TRIM44: variants seen among roughly 807,000 people sequenced by gnomAD.
The protein encoded by TRIM44 is tripartite motif containing 44.
Under a neutral mutation model 37.4 loss-of-function variants are expected in TRIM44, and 13 were observed. The observed-to-expected ratio is 0.35, with a 90% CI of 0.23 to 0.55. TRIM44 has a LOEUF of 0.55. Ranked by LOEUF, TRIM44 falls within the 20% of genes least tolerant of loss-of-function variation. The probability of loss-of-function intolerance (pLI) is 0.89; values close to 1 mark genes in which losing one functional copy is unlikely to be tolerated. For missense variants in TRIM44, 426 were observed against 437.2 expected (o/e 0.97, Z 0.23); for synonymous variants, 175 against 157.2 (o/e 1.11, Z -0.85).
At chr11:35,795,921 T>A (rs766635173) in intron 4 of TRIM44, among the ~76,000 whole-genome samples, 2 of 152,244 alleles carry the variant, frequency 1.3e-5, no homozygotes, top group African/African-American at 2.4e-5. Context: ...TTTATATATC[T>A]GCCAACCACT....
intron 2 of TRIM44, among the ~76,000 whole-genome samples, chr11:35,711,720 C>T (rs1347109853): frequency 6.6e-6 from 1 of 152,050 alleles, no homozygotes; most frequent in East Asian, 1.9e-4. Flanking sequence ...TGTACCACTG[C>T]ACTCCAGCCT....
At chr11:35,685,410 T>C in intron 2 of TRIM44, 74 bp downstream of exon 2, 1 of 1,265,392 alleles carries the variant, frequency 7.9e-7, no homozygotes, top group Non-Finnish European at 1.2e-6. Context: ...AATTGTGAGG[T>C]GTTGATGATC....
At position 35,728,085 on chromosome 11, in the gene TRIM44, G is replaced by A. The variant is rs187613182; in HGVS notation, c.987+1922G>A. Among the ~76,000 whole-genome samples, 591 of 152,296 alleles carry A rather than the reference G, an allele frequency of 3.9e-3. 15 individuals carry two copies. Among genetic ancestry groups the A allele is most frequent in the Admixed American group, 0.033 (506 of 15,302 alleles). The stretch of plus-strand genomic sequence containing the variant: ...TCACGCCTGTAATCCCAGCACTTTG[G>A]CAGGCCGAGGTGGGAGGATCACCTG... On this transcript the variant is annotated intron_variant, in intron 3 of 4. Transcript: ENST00000299413.
At position 35,762,616 on chromosome 11, in the gene TRIM44, G is replaced by A. The variant is rs899313706; in HGVS notation, c.1007+27171G>A. Among the ~76,000 whole-genome samples the A allele has an allele frequency of 3.9e-5, 6 of 152,196 alleles. No homozygotes were observed. The East Asian group carries it at 1.2e-3, about 29-fold the overall frequency. ...TGTAGGAGAGTCAAGATCATAATAT[G>A]TGAAATAACCAGACAACAGTAAGAT... On this transcript the variant is annotated intron_variant, in intron 4 of 4. Coordinates refer to ENST00000299413, the MANE Select transcript of TRIM44 (RefSeq NM_017583.6).
Position 35,813,621 on chromosome 11 carries a change from T to C in TRIM44, c.*7236T>C, listed in dbSNP as rs1004865859. On this transcript the variant is annotated 3_prime_UTR_variant, in exon 5 of 5. Coordinates refer to ENST00000299413, the MANE Select transcript of TRIM44 (RefSeq NM_017583.6). ...ATGGGTTATTTAGTGTCAAAAACAG[T>C]CTATACACATCTCAATCTTTAAGAG... 2 of 152,128 alleles carry C rather than the reference T, an allele frequency of 1.3e-5. No homozygotes were observed. The highest frequency in any genetic ancestry group is 4.8e-5 in the African/African-American group (2 of 41,416). The allele number at this position is 152,128 out of a possible 1,614,324, so 9.4% of individuals were successfully genotyped here.
chr11:35,737,949 A>C (rs1852345975), intron 4 of TRIM44, among the ~76,000 whole-genome samples: 1 of 152,122 alleles, frequency 6.6e-6, no homozygotes, highest in Non-Finnish European at 1.5e-5. Flanking sequence ...GGTTTTTATC[A>C]TTTTCCACAG....
At chr11:35,760,214 C>G (rs1372452324) in intron 4 of TRIM44, among the ~76,000 whole-genome samples, 3 of 152,206 alleles carry the variant, frequency 2.0e-5, no homozygotes, top group Admixed American at 6.5e-5. Flanking sequence ...CCCCCAGCCT[C>G]ACTGCCACCT....
At chr11:35,799,710 C>T (rs541980331) in intron 4 of TRIM44, among the ~76,000 whole-genome samples, 51 of 152,214 alleles carry the variant, frequency 3.4e-4, no homozygotes, top group Admixed American at 1.4e-3. Flanking sequence ...TTTTTCTCAT[C>T]TGTAGAATGG....
chr11:35,721,325 G>T (rs1478335854), intron 2 of TRIM44, among the ~76,000 whole-genome samples: 6 of 152,212 alleles, frequency 3.9e-5, no homozygotes, highest in Admixed American at 2.6e-4. Flanking sequence ...TAGAAAATTT[G>T]GACTGAGAAG....
intron 4 of TRIM44, among the ~76,000 whole-genome samples, chr11:35,745,425 A>G (rs1283649771): frequency 1.3e-5 from 2 of 152,270 alleles, no homozygotes; most frequent in African/African-American, 2.4e-5. Flanking sequence ...GGCCTTTGTC[A>G]GATGGATAGA....
intron 2 of TRIM44, among the ~76,000 whole-genome samples, chr11:35,693,817 C>T (rs1352710576): frequency 6.6e-6 from 1 of 152,086 alleles, no homozygotes; most frequent in Non-Finnish European, 1.5e-5. Flanking sequence ...TCTTGTCATT[C>T]CAGTTGAAGA....
At chr11:35,709,122 A>G (rs1851932368) in intron 2 of TRIM44, among the ~76,000 whole-genome samples, 1 of 152,150 alleles carries the variant, frequency 6.6e-6, no homozygotes, top group East Asian at 1.9e-4. Context: ...GGATGGGGAT[A>G]GTAACTAAGC....
chr11:35,750,638 G>A (rs1427538426), intron 4 of TRIM44, among the ~76,000 whole-genome samples: 3 of 152,154 alleles, frequency 2.0e-5, no homozygotes, highest in Non-Finnish European at 2.9e-5. Context: ...TAGAAGTGGT[G>A]TTCCTCAAGA....
chr11:35,759,335 TG>T (rs1338407695), intron 4 of TRIM44, among the ~76,000 whole-genome samples: 2 of 152,364 alleles, frequency 1.3e-5, no homozygotes, highest in Admixed American at 1.3e-4. Flanking sequence ...TCACATGCCA[TG>T]GTTTTCAGCT....
chr11:35,764,146 G>T (rs1005098151), intron 4 of TRIM44, among the ~76,000 whole-genome samples: 1 of 152,130 alleles, frequency 6.6e-6, no homozygotes, highest in Non-Finnish European at 1.5e-5. Flanking sequence ...GGAGCAACTT[G>T]TCTCATTGGT....
intron 2 of TRIM44, among the ~76,000 whole-genome samples, chr11:35,721,527 G>C (rs2135513496): frequency 6.6e-6 from 1 of 152,314 alleles, no homozygotes; most frequent in Non-Finnish European, 1.5e-5. Context: ...TCCAGTGGTA[G>C]TACCTTATTA....
intron 2 of TRIM44, among the ~76,000 whole-genome samples, chr11:35,707,012 C>T (rs1174291254): frequency 4.6e-5 from 7 of 152,082 alleles, no homozygotes; most frequent in Non-Finnish European, 7.4e-5. Flanking sequence ...ATCTAGAAAA[C>T]CCCATTGTTT....
At chr11:35,805,522 C>T (rs1853435850) in intron 4 of TRIM44, among the ~76,000 whole-genome samples, 1 of 152,206 alleles carries the variant, frequency 6.6e-6, no homozygotes, top group Non-Finnish European at 1.5e-5. Flanking sequence ...TGAAACATCA[C>T]TAACATCTGG....
At chr11:35,718,952 G>T (rs1852069427) in intron 2 of TRIM44, among the ~76,000 whole-genome samples, 1 of 151,260 alleles carries the variant, frequency 6.6e-6, no homozygotes, top group African/African-American at 2.4e-5. Context: ...CTGTTGTCTG[G>T]ATGTACCACA....
Sources: gnomAD v4.1 joint callset for allele counts (sites outside exome capture counted in the v4.1 genomes callset) on GRCh38, gnomAD v4.1.1 for gene constraint, MANE v1.5 for transcripts, NCBI Gene and HGNC (gene_info 2026-07-23, HGNC 2026-07-21) for gene names.